DNAJC1: variants seen among roughly 807,000 people sequenced by gnomAD.
DNAJC1 encodes DnaJ heat shock protein family (Hsp40) member C1.
In DNAJC1, 58 loss-of-function variants were observed where a neutral mutation model predicts 76.6. The ratio of observed to expected loss-of-function variants is 0.76; its 90% CI spans 0.61 to 0.94. The LOEUF (loss-of-function observed/expected upper bound fraction) is 0.94. DNAJC1 is among the 40% of genes least tolerant of loss of function. DNAJC1 has a pLI of 0.00. For missense variants in DNAJC1, 689 were observed against 677.3 expected (o/e 1.02, Z -0.19); for synonymous variants, 258 against 267.9 (o/e 0.96, Z 0.36).
At chr10:21,835,042 C>G (rs1365367530) in intron 8 of DNAJC1, among the ~76,000 whole-genome samples, 1 of 152,214 alleles carries the variant, frequency 6.6e-6, no homozygotes, top group Non-Finnish European at 1.5e-5. Flanking sequence ...AAGTGGGTCC[C>G]TGATCCCCGA....
At chr10:21,835,155 C>T (rs914588812) in intron 8 of DNAJC1, among the ~76,000 whole-genome samples, 3 of 152,256 alleles carry the variant, frequency 2.0e-5, no homozygotes, top group South Asian at 4.1e-4. Context: ...CAGACAGCAG[C>T]GTCTGGGGTT....
chr10:21,837,848 A>G, intron 8 of DNAJC1, among the ~76,000 whole-genome samples: 1 of 142,908 alleles, frequency 7.0e-6, no homozygotes, highest in Non-Finnish European at 1.5e-5. Flanking sequence ...CCGCCTGGCC[A>G]GCCGCCCCGT....
At chr10:21,762,432 C>T (rs1834252567) in intron 10 of DNAJC1, among the ~76,000 whole-genome samples, 1 of 152,184 alleles carries the variant, frequency 6.6e-6, no homozygotes, top group South Asian at 2.1e-4. Flanking sequence ...TGGCACCTAA[C>T]TTTGAATGGC....
At chr10:21,995,779 G>A (rs923479156) in intron 1 of DNAJC1, among the ~76,000 whole-genome samples, 2 of 152,174 alleles carry the variant, frequency 1.3e-5, no homozygotes, top group Admixed American at 1.3e-4. Context: ...GCTGGATGAT[G>A]TAATCAGAAA....
chr10:21,970,582 T>G (rs1352954732), intron 1 of DNAJC1, among the ~76,000 whole-genome samples: 1 of 152,004 alleles, frequency 6.6e-6, no homozygotes, highest in Non-Finnish European at 1.5e-5. Flanking sequence ...CTATAATGAA[T>G]GTTTTCCTTT....
In DNAJC1 at chr10:21,911,113, C is replaced by T. The variant is rs371076818; in HGVS notation, c.730-6501G>A. ...GCGGGAAGGCGGGAAGGCGGGCAGG[C>T]GGGGCAGGCATTGATTTACAGTGGT... On this transcript the variant is annotated intron_variant, in intron 6 of 11. Coordinates refer to ENST00000376980, the MANE Select transcript of DNAJC1 (RefSeq NM_022365.4). 2.7e-5 allele frequency among the ~76,000 whole-genome samples: 4 copies of T among 148,612 alleles called. No individual in the cohort carries two copies. The East Asian group carries it at 7.9e-4, about 29-fold the overall frequency.
chr10:21,980,220 T>C (rs1838133327), intron 1 of DNAJC1, among the ~76,000 whole-genome samples: 1 of 152,104 alleles, frequency 6.6e-6, no homozygotes, highest in African/African-American at 2.4e-5. Context: ...ATATATTTCC[T>C]AGTTCTGTCC....
intron 9 of DNAJC1, among the ~76,000 whole-genome samples, chr10:21,769,040 T>G (rs1254379672): frequency 6.6e-6 from 1 of 152,188 alleles, no homozygotes; most frequent in Non-Finnish European, 1.5e-5. Context: ...TTTTCCTTCT[T>G]TCTCTGAATG....
chr10:21,825,102 A>G lies in DNAJC1; in HGVS notation c.979-19003T>C, dbSNP rs542801678. On this transcript the variant is annotated intron_variant, in intron 8 of 11. Transcript: ENST00000376980. ...AACTATTTTAAAGTATACAATTTTA[A>G]GTGCACCATTCAGTGGCATTAAGTA... is the stretch of plus-strand genomic sequence containing the variant. Among the ~76,000 whole-genome samples the G allele has an allele frequency of 2.0e-4, 31 of 152,288 alleles. 1 individual carries two copies. The highest frequency in any genetic ancestry group is 1.6e-3 in the Admixed American group (25 of 15,298).
chr10:21,809,159 T>C (rs533049735), intron 8 of DNAJC1, among the ~76,000 whole-genome samples: 1 of 152,290 alleles, frequency 6.6e-6, no homozygotes, highest in Non-Finnish European at 1.5e-5. Context: ...TAAAGTAATC[T>C]ATATGGACTT....
intron 1 of DNAJC1, chr10:21,933,185 A>T (rs1308981416): frequency 6.6e-6 from 1 of 152,532 alleles, no homozygotes; most frequent in African/African-American, 2.4e-5. Flanking sequence ...CACCCCACTG[A>T]TCGCCAGGGT....
At chr10:21,969,223 C>CA (rs561143181) in intron 1 of DNAJC1, among the ~76,000 whole-genome samples, 1,241 of 86,960 alleles carry the variant, frequency 0.014, 24 homozygotes, top group African/African-American at 0.047. Context: ...GACTCCATTT[C>CA]AAAAAAAAAA....
chr10:21,944,949 G>T (rs928483809), intron 1 of DNAJC1, among the ~76,000 whole-genome samples: 3 of 152,168 alleles, frequency 2.0e-5, no homozygotes, highest in Non-Finnish European at 4.4e-5. Context: ...AGAAGACAAT[G>T]AACTTGCCAA....
chr10:22,003,591 G>A lies in DNAJC1; in HGVS notation c.-157C>T. 2.2e-6 allele frequency: 2 copies of A among 906,884 alleles called. No homozygotes were observed. The highest frequency in any genetic ancestry group is 4.5e-5 in the South Asian group (1 of 22,346). 56.2% of individuals were successfully genotyped at this position (906,884 alleles called of 1,614,324 possible). ...CCAGGTGGCTGGCCCCAGACAGAGC[G>A]CGGAGGCGGCGGGAGCCGGCTGCCG... On this transcript the variant is annotated 5_prime_UTR_variant, in exon 1 of 12. Coordinates refer to ENST00000376980, the MANE Select transcript of DNAJC1 (RefSeq NM_022365.4).
intron 8 of DNAJC1, among the ~76,000 whole-genome samples, chr10:21,847,016 A>C (rs1650448300): frequency 6.6e-6 from 1 of 152,062 alleles, no homozygotes; most frequent in South Asian, 2.1e-4. Flanking sequence ...TTTTTCACAT[A>C]ATACAGTTAC....
At chr10:21,760,452 C>G (rs1293944819) in intron 10 of DNAJC1, among the ~76,000 whole-genome samples, 1 of 152,178 alleles carries the variant, frequency 6.6e-6, no homozygotes, top group African/African-American at 2.4e-5. Context: ...TATCAGAGAA[C>G]TAAAACAAAG....
intron 1 of DNAJC1, among the ~76,000 whole-genome samples, chr10:21,973,008 G>C (rs1374494728): frequency 2.0e-5 from 3 of 152,002 alleles, no homozygotes; most frequent in Admixed American, 2.0e-4. Context: ...ATAGTTAACT[G>C]AAGTAAAGAA....
chr10:21,764,053 A>G (rs1834269467), intron 10 of DNAJC1, among the ~76,000 whole-genome samples: 1 of 152,214 alleles, frequency 6.6e-6, no homozygotes, highest in African/African-American at 2.4e-5. Context: ...GTCTTCTTAT[A>G]TTCCAAAGAA....
At chr10:21,786,467 G>T (rs12245943) in intron 9 of DNAJC1, among the ~76,000 whole-genome samples, 50 of 123,140 alleles carry the variant, frequency 4.1e-4, no homozygotes, top group African/African-American at 1.2e-3. Context: ...TATATATAGA[G>T]AGAGAGAGAG....
Sources: gnomAD v4.1 joint callset for allele counts (sites outside exome capture counted in the v4.1 genomes callset) on GRCh38, gnomAD v4.1.1 for gene constraint, MANE v1.5 for transcripts, NCBI Gene and HGNC (gene_info 2026-07-23, HGNC 2026-07-21) for gene names.